Variants in ABCC12 observed in about 807,000 individuals in gnomAD.
ABCC12 encodes the protein ATP binding cassette subfamily C member 12.
ABCC12 carries 142 observed loss-of-function variants against 151.1 expected under a neutral mutation model. The ratio of observed to expected loss-of-function variants is 0.94; its 90% CI spans 0.82 to 1.08. ABCC12 has a LOEUF of 1.08. Among genes scored for constraint, ABCC12 ranks in the 50% least tolerant of loss-of-function variants. The pLI is 0.00. For synonymous variants in ABCC12, 645 were observed against 646.4 expected, an observed-to-expected ratio of 1.00 and a Z score of 0.03; for missense variants, 1,638 against 1,691.1, an observed-to-expected ratio of 0.97 and a Z score of 0.55.
rs367825452 is a variant in ABCC12, at chr16:48,128,714, G to C, written c.1260C>G (p.Pro420=). Residue 420 remains proline, a synonymous_variant, in exon 11 of 31, where the codon CCC becomes CCG. Coordinates refer to ENST00000311303, the MANE Select transcript of ABCC12 (RefSeq NM_001393797.1). ...RMKKILIDKS[P]PSYITQPEDP... is the part of the protein sequence containing the mutation. Reference sequence around the variant, plus strand: ...CTTCTGGTTGGGTGATGTAAGATGGGGGGCTTTTATCTATGAGAATTTTCT... The same window carrying C: ...CTTCTGGTTGGGTGATGTAAGATGGCGGGCTTTTATCTATGAGAATTTTCT... 1.2e-6 allele frequency: 2 copies of C among 1,613,518 alleles called. No homozygotes were observed. Among genetic ancestry groups the C allele is most frequent in the South Asian group, 1.1e-5 (1 of 91,064 alleles).
chr16:48,149,040 T>C lies in ABCC12; in HGVS notation c.-50-2566A>G, dbSNP rs541888579. ...GAGAAACAACTAAGATGCAAATCCTTTCCCCAGAAAGTGAAAAATAAGCAC... is the reference window on the plus strand; with the variant it reads ...GAGAAACAACTAAGATGCAAATCCTCTCCCCAGAAAGTGAAAAATAAGCAC... On this transcript the variant is annotated intron_variant, in intron 2 of 30. Transcript: ENST00000311303. 2.6e-5 allele frequency among the ~76,000 whole-genome samples: 4 copies of C among 152,106 alleles called. No homozygotes were observed. In the South Asian group the frequency reaches 8.3e-4, roughly 32 times the overall value.
At chr16:48,140,001 T>A (rs1964750030) in intron 6 of ABCC12, among the ~76,000 whole-genome samples, 1 of 152,242 alleles carries the variant, frequency 6.6e-6, no homozygotes, top group Admixed American at 6.5e-5. Context: ...CCTTCTAGAT[T>A]CCTTTTACAT....
Position 48,107,428 on chromosome 16 carries a change from G to GC in ABCC12, c.2372-4dup, listed in dbSNP as rs1446854068. ...AGTGAAGAGAGAAAGGAGGTACCCT[G>GC]CAAGAGGAGCGGAGAGGCCCAAGGG... On this transcript the variant is annotated splice_polypyrimidine_tract_variant and splice_region_variant and intron_variant, in intron 19 of 30. Coordinates refer to ENST00000311303, the MANE Select transcript of ABCC12 (RefSeq NM_001393797.1). 1 of 1,613,870 alleles carries GC rather than the reference G, an allele frequency of 6.2e-7. No individual in the cohort carries two copies. Among genetic ancestry groups the GC allele is most frequent in the East Asian group, 2.2e-5 (1 of 44,866 alleles).
rs1964002277 is a variant in ABCC12, at chr16:48,119,649, A to G, written c.1712+2067T>C. Among the ~76,000 whole-genome samples, 6 of 152,346 alleles carry G rather than the reference A, an allele frequency of 3.9e-5. No individual in the cohort carries two copies. In the South Asian group the frequency reaches 1.2e-3, roughly 32 times the overall value. On this transcript the variant is annotated intron_variant, in intron 13 of 30. Transcript: ENST00000311303. ...AATTGACAAGCCTCTTGATGAGAAC[A>G]TACATGCTGCCATACCAGCCAGCAG...
rs575894010 is a variant in ABCC12, at chr16:48,081,876, T to G, written c.*1839A>C. Among the ~76,000 whole-genome samples the G allele has an allele frequency of 6.6e-6, 1 of 152,238 alleles. No homozygotes were observed. The highest frequency in any genetic ancestry group is 2.4e-5 in the African/African-American group (1 of 41,548). ...ACTGATTATCTGGCTGGTGTCCAGTTGGTAGAAAGTAAAGCATCCCTCCCT... is the reference window on the plus strand; with the variant it reads ...ACTGATTATCTGGCTGGTGTCCAGTGGGTAGAAAGTAAAGCATCCCTCCCT... On this transcript the variant is annotated 3_prime_UTR_variant, in exon 31 of 31. Coordinates refer to ENST00000311303, the MANE Select transcript of ABCC12 (RefSeq NM_001393797.1).
At chr16:48,118,392 T>A (rs1329657478) in intron 13 of ABCC12, among the ~76,000 whole-genome samples, 1 of 152,220 alleles carries the variant, frequency 6.6e-6, no homozygotes, top group African/African-American at 2.4e-5. Flanking sequence ...ACCCAACTCC[T>A]GCTCAGGATG....
At chr16:48,115,216 G>A (rs1464328609) in intron 15 of ABCC12, among the ~76,000 whole-genome samples, 199 bp downstream of exon 15, 3 of 152,144 alleles carry the variant, frequency 2.0e-5, no homozygotes, top group Non-Finnish European at 4.4e-5. Context: ...CCCCACTGAG[G>A]CCATGCATGG....
chr16:48,133,673 G>C lies in ABCC12; in HGVS notation c.1128+14C>G, dbSNP rs1168090699. On this transcript the variant is annotated intron_variant, in intron 9 of 30. Transcript: ENST00000311303. Reference sequence around the variant, plus strand: ...CAGGTTGTGAAAGAGCCTCGATCTGGAGCCAGCTCTTACCACGGGTGCGGT... The same window carrying C: ...CAGGTTGTGAAAGAGCCTCGATCTGCAGCCAGCTCTTACCACGGGTGCGGT... The C allele has an allele frequency of 8.7e-6, 14 of 1,612,772 alleles. No individual in the cohort carries two copies. The highest frequency in any genetic ancestry group is 1.1e-5 in the Non-Finnish European group (13 of 1,179,500).
At position 48,141,372 on chromosome 16, in the gene ABCC12, A is replaced by C. The variant is rs1179377751; in HGVS notation, c.276-19T>G. The C allele has an allele frequency of 9.9e-6, 16 of 1,613,414 alleles. No homozygotes were observed. The highest frequency in any genetic ancestry group is 1.4e-5 in the Non-Finnish European group (16 of 1,179,604). Reference sequence around the variant, plus strand: ...TCGAAATCTGTGATGAAAAAACAGAAGCATAAAATGGATTGGCACTTCTAT... The same window carrying C: ...TCGAAATCTGTGATGAAAAAACAGACGCATAAAATGGATTGGCACTTCTAT... On this transcript the variant is annotated intron_variant, in intron 4 of 30. Coordinates refer to ENST00000311303, the MANE Select transcript of ABCC12 (RefSeq NM_001393797.1).
chr16:48,123,940 C>T (rs1964153645), intron 12 of ABCC12, among the ~76,000 whole-genome samples: 1 of 152,248 alleles, frequency 6.6e-6, no homozygotes, highest in South Asian at 2.1e-4. Context: ...GGACCCATCT[C>T]TCCTTTGACC....
intron 9 of ABCC12, among the ~76,000 whole-genome samples, 186 bp downstream of exon 9, chr16:48,133,501 G>A (rs1462418075): frequency 6.6e-6 from 1 of 151,560 alleles, no homozygotes; most frequent in East Asian, 1.9e-4. Context: ...ACTCCAGCCT[G>A]GGTGACTGAG....
At chr16:48,112,896 GT>G (rs371512068) in intron 15 of ABCC12, among the ~76,000 whole-genome samples, 7 of 151,860 alleles carry the variant, frequency 4.6e-5, no homozygotes, top group East Asian at 1.9e-4. Flanking sequence ...AAGCACTTCT[GT>G]TTTTTTTAAT....
At chr16:48,088,216 T>C in intron 26 of ABCC12, 131 bp from the exon 27 acceptor site, 1 of 1,111,388 alleles carries the variant, frequency 9.0e-7, no homozygotes, top group Non-Finnish European at 1.3e-6. Context: ...AGACAGAAAG[T>C]GTCCTCACCA....
intron 11 of ABCC12, 40 bp from the exon 12 acceptor site, chr16:48,124,324 C>A: frequency 6.2e-7 from 1 of 1,601,696 alleles, no homozygotes; most frequent in Non-Finnish European, 8.6e-7. Flanking sequence ...CACTCTCTCC[C>A]ACTTCTTAGA....
chr16:48,090,700 C>T (rs1179011675), intron 25 of ABCC12, among the ~76,000 whole-genome samples: 1 of 152,100 alleles, frequency 6.6e-6, no homozygotes, highest in African/African-American at 2.4e-5. Context: ...AGGGATGACT[C>T]GTCCGATTTG....
rs751293251 is a variant in ABCC12 at position 48,116,298 on chromosome 16, G to C, written c.1786-680C>G. 4.6e-5 allele frequency among the ~76,000 whole-genome samples: 7 copies of C among 152,230 alleles called. No individual in the cohort carries two copies. The East Asian group carries it at 5.8e-4, about 13-fold the overall frequency. On this transcript the variant is annotated intron_variant, in intron 14 of 30. Transcript: ENST00000311303. ...GGGGCGGGACACACAAGCTGGACAA[G>C]AGAAGTCCCCTCTCCCTGGGGAGCT...
At chr16:48,094,544 C>A (rs1963023483) in intron 24 of ABCC12, among the ~76,000 whole-genome samples, 1 of 152,192 alleles carries the variant, frequency 6.6e-6, no homozygotes, top group Non-Finnish European at 1.5e-5. Context: ...ACAACCACTC[C>A]TGTCTGGTTC....
At position 48,104,230 on chromosome 16, in the gene ABCC12, C is replaced by T. The variant is rs1963403887; in HGVS notation, c.2812G>A (p.Val938Met). The T allele has an allele frequency of 3.1e-6, 5 of 1,614,222 alleles. No homozygotes were observed. Among genetic ancestry groups the T allele is most frequent in the Non-Finnish European group, 4.2e-6 (5 of 1,180,050 alleles). Residue 938 changes from valine to methionine, a missense_variant, in exon 22 of 31, where the codon GTG becomes ATG. Coordinates refer to ENST00000311303, the MANE Select transcript of ABCC12 (RefSeq NM_001393797.1). ...ENFLQQFFMV[V>M]FILVILAAVF... is the part of the protein sequence containing the mutation. Reference sequence around the variant, plus strand: ...GCAGCCAAGATCACGAGAATAAACACCACCATAAAAAACTGCTGCAGAAAG... The same window carrying T: ...GCAGCCAAGATCACGAGAATAAACATCACCATAAAAAACTGCTGCAGAAAG...
rs1338367227 is a variant in ABCC12 at position 48,142,087 on chromosome 16, G to A, written c.276-734C>T. 3.3e-5 allele frequency among the ~76,000 whole-genome samples: 5 copies of A among 152,276 alleles called. No homozygotes were observed. In the South Asian group the frequency reaches 8.3e-4, roughly 25 times the overall value. On this transcript the variant is annotated intron_variant, in intron 4 of 30. Transcript: ENST00000311303. ...AAGATGTGGGAGGAAAGGAGAAAGA[G>A]GTTCAAGGACCGACCCCAGTTTTCG...
Sources: gnomAD v4.1 joint callset for allele counts (sites outside exome capture counted in the v4.1 genomes callset) on GRCh38, gnomAD v4.1.1 for gene constraint, MANE v1.5 for transcripts, NCBI Gene and HGNC (gene_info 2026-07-23, HGNC 2026-07-21) for gene names.